The following KLF12 variants were observed in gnomAD, a reference collection of about 807,000 sequenced individuals.
KLF12 encodes the protein KLF transcription factor 12, also known as Krueppel-like factor 12.
KLF12 carries 9 observed loss-of-function variants against 37.8 expected under a neutral mutation model. The ratio of observed to expected loss-of-function variants is 0.24; its 90% CI spans 0.14 to 0.42. The LOEUF (loss-of-function observed/expected upper bound fraction) is 0.42, where lower values mean the gene tolerates loss of function less well. KLF12 is among the 10% of genes least tolerant of loss of function. KLF12 has a pLI of 1.00. For synonymous variants in KLF12, 208 were observed against 202.1 expected (o/e 1.03, Z -0.25); for missense variants, 411 against 516.0 (o/e 0.80, Z 1.97).
At chr13:74,021,084 G>A (rs1892829859) in intron 1 of KLF12, among the ~76,000 whole-genome samples, 1 of 152,116 alleles carries the variant, frequency 6.6e-6, no homozygotes, top group African/African-American at 2.4e-5. Context: ...TGTAAAGACG[G>A]TGAAAAGGTG....
At chr13:74,128,283 C>G (rs993359173) in intron 1 of KLF12, among the ~76,000 whole-genome samples, 1 of 152,178 alleles carries the variant, frequency 6.6e-6, no homozygotes, top group Non-Finnish European at 1.5e-5. Context: ...TACCCACACT[C>G]GGAAATTCCT....
intron 5 of KLF12, among the ~76,000 whole-genome samples, chr13:73,794,149 T>C (rs1337501038): frequency 5.9e-5 from 9 of 152,208 alleles, no homozygotes; most frequent in Non-Finnish European, 1.2e-4. Flanking sequence ...CTTCAACACA[T>C]ACTGGGATAG....
the KLF12 span, among the ~76,000 whole-genome samples, chr13:74,192,184 A>T: frequency 6.6e-6 from 1 of 152,190 alleles, no homozygotes; most frequent in Non-Finnish European, 1.5e-5. Flanking sequence ...AATGGAAAAT[A>T]GTAACAACTT....
At chr13:73,775,620 T>G (rs1251901357) in intron 5 of KLF12, among the ~76,000 whole-genome samples, 1 of 152,238 alleles carries the variant, frequency 6.6e-6, no homozygotes, top group Non-Finnish European at 1.5e-5. Context: ...TGAACTACTT[T>G]ATTTAGTTGT....
intron 3 of KLF12, among the ~76,000 whole-genome samples, chr13:73,897,000 C>T (rs1051958280): frequency 3.3e-5 from 5 of 152,042 alleles, no homozygotes; most frequent in Non-Finnish European, 5.9e-5. Context: ...GGCAACAGGC[C>T]GGCAAAACTA....
chr13:74,227,480 T>G, the KLF12 span, among the ~76,000 whole-genome samples: 14 of 152,306 alleles, frequency 9.2e-5, no homozygotes, highest in African/African-American at 3.4e-4. Flanking sequence ...CATATTTTTT[T>G]CCTCTTTAAT....
At chr13:73,962,157 TCAAGCCATGA>T (rs1313155711) in intron 2 of KLF12, 1 of 346,744 alleles carries the variant, frequency 2.9e-6, no homozygotes, top group Non-Finnish European at 5.6e-6. Context: ...AAATTAGTTA[TCAAGCCATGA>T]AAAGACATGC....
chr13:74,094,607 T>C (rs1875871694), intron 1 of KLF12, among the ~76,000 whole-genome samples: 1 of 151,652 alleles, frequency 6.6e-6, no homozygotes. Flanking sequence ...TCTTTTCTTT[T>C]TTTTTTTTTT....
chr13:73,935,152 G>C (rs1258603048), intron 3 of KLF12, among the ~76,000 whole-genome samples: 1 of 151,436 alleles, frequency 6.6e-6, no homozygotes, highest in Non-Finnish European at 1.5e-5. Context: ...GCTAATTTTT[G>C]TATTTTTTTA....
chr13:74,146,399 T>C, the KLF12 span, among the ~76,000 whole-genome samples: 7 of 152,014 alleles, frequency 4.6e-5, no homozygotes, highest in African/African-American at 1.7e-4. Flanking sequence ...ATTTTATTAC[T>C]ATTATTATCC....
chr13:74,146,826 A>G, the KLF12 span, among the ~76,000 whole-genome samples: 1 of 152,218 alleles, frequency 6.6e-6, no homozygotes, highest in African/African-American at 2.4e-5. Flanking sequence ...ACTAAGTCCA[A>G]TGGAAGTTAA....
chr13:74,011,945 T>C (rs982308351), intron 1 of KLF12, among the ~76,000 whole-genome samples: 6 of 152,230 alleles, frequency 3.9e-5, no homozygotes, highest in African/African-American at 1.4e-4. Flanking sequence ...TATGTTTCTA[T>C]TGAACAGTAC....
At chr13:73,841,637 T>C (rs1884739541) in intron 4 of KLF12, among the ~76,000 whole-genome samples, 1 of 152,194 alleles carries the variant, frequency 6.6e-6, no homozygotes, top group Non-Finnish European at 1.5e-5. Context: ...ATAATTCCTT[T>C]AGGGTTCGGT....
At chr13:73,722,696 C>T (rs570681481) in intron 6 of KLF12, among the ~76,000 whole-genome samples, 2 of 152,262 alleles carry the variant, frequency 1.3e-5, no homozygotes, top group Admixed American at 6.5e-5. Flanking sequence ...AACGTTTTCA[C>T]AAAATGTATA....
the KLF12 span, among the ~76,000 whole-genome samples, chr13:74,148,308 T>G: frequency 2.6e-5 from 4 of 151,248 alleles, no homozygotes; most frequent in Non-Finnish European, 5.9e-5. Flanking sequence ...TCTTAGAAAA[T>G]AAATTTAAAA....
At chr13:74,207,881 C>T in the KLF12 span, among the ~76,000 whole-genome samples, 29 of 152,180 alleles carry the variant, frequency 1.9e-4, no homozygotes, top group East Asian at 5.4e-3. Context: ...GGTGAAAAAT[C>T]GAAAGTATAA....
At chr13:74,228,534 G>A in the KLF12 span, among the ~76,000 whole-genome samples, 14 of 152,224 alleles carry the variant, frequency 9.2e-5, no homozygotes, top group African/African-American at 3.1e-4. Context: ...GCTTAGAAAT[G>A]TTAAGTCCCC....
At chr13:74,128,914 T>G (rs1486491804) in intron 1 of KLF12, among the ~76,000 whole-genome samples, 1 of 152,186 alleles carries the variant, frequency 6.6e-6, no homozygotes, top group Non-Finnish European at 1.5e-5. Context: ...GTATGGTGTG[T>G]GTGGGTGGGT....
the KLF12 span, among the ~76,000 whole-genome samples, chr13:74,215,427 CTT>C: frequency 4.5e-3 from 270 of 60,366 alleles, 2 homozygotes; most frequent in African/African-American, 0.013. Flanking sequence ...CCTCTGGGTT[CTT>C]TTTTTTTTTT....
Sources: allele counts gnomAD v4.1 joint callset (sites outside exome capture counted in the v4.1 genomes callset), GRCh38; gene constraint gnomAD v4.1.1; transcripts MANE v1.5; gene names NCBI Gene and HGNC (gene_info 2026-07-23, HGNC 2026-07-21).